MINK1: variants seen among roughly 807,000 people sequenced by gnomAD.
MINK1 encodes misshapen-like kinase 1.
Under a neutral mutation model 178.4 loss-of-function variants are expected in MINK1, and 46 were observed. The observed-to-expected ratio is 0.26, with a 90% CI of 0.20 to 0.33. The LOEUF (loss-of-function observed/expected upper bound fraction) is 0.33. Among genes scored for constraint, MINK1 ranks in the 10% least tolerant of loss-of-function variants. MINK1 has a pLI of 1.00. For missense variants in MINK1, 1,366 were observed against 1,814.9 expected (o/e 0.75, Z 4.49); for synonymous variants, 797 against 709.7 (o/e 1.12, Z -1.96).
At chr17:4,842,177 C>T (rs1910335947) in intron 1 of MINK1, among the ~76,000 whole-genome samples, 1 of 151,018 alleles carries the variant, frequency 6.6e-6, no homozygotes, top group African/African-American at 2.4e-5. Flanking sequence ...TGAGCCTAGA[C>T]CACGCCACTG....
intron 4 of MINK1, among the ~76,000 whole-genome samples, chr17:4,884,028 CTTTT>C (rs1057478222): frequency 3.0e-5 from 4 of 131,904 alleles, no homozygotes; most frequent in Admixed American, 7.6e-5. Context: ...TCCTTCTCCT[CTTTT>C]TTTTTTTTTT....
rs959444584 is a variant in MINK1 at position 4,879,400 on chromosome 17, C to A, written c.123+1018C>A. Among the ~76,000 whole-genome samples the A allele has an allele frequency of 2.0e-5, 3 of 152,208 alleles. No individual in the cohort carries two copies. The East Asian group carries it at 5.8e-4, about 29-fold the overall frequency. ...CTTCTACATCTCTAGCCCCGTGTTT[C>A]CTGTGTCGCTGAGACCACCTGCCTT... On this transcript the variant is annotated intron_variant, in intron 2 of 31. Coordinates refer to ENST00000355280, the MANE Select transcript of MINK1 (RefSeq NM_153827.5).
Position 4,893,610 on chromosome 17 carries a change from G to A in MINK1, c.2564+13G>A, listed in dbSNP as rs756735031. 1.5e-5 allele frequency: 23 copies of A among 1,519,266 alleles called. No individual in the cohort carries two copies. Among genetic ancestry groups the A allele is most frequent in the Non-Finnish European group, 1.9e-5 (21 of 1,132,092 alleles). 94.1% of individuals were successfully genotyped at this position (1,519,266 alleles called of 1,614,324 possible). A position where few individuals can be genotyped will look rare whatever the true frequency, so the allele number is the denominator to read the frequency against. On this transcript the variant is annotated intron_variant, in intron 21 of 31. Transcript: ENST00000355280. ...CCCCTGGGGGCCGGTACGGCATCGGGAGTGGGGCCCTCCCACTCCAAGGCA... is the reference window on the plus strand; with the variant it reads ...CCCCTGGGGGCCGGTACGGCATCGGAAGTGGGGCCCTCCCACTCCAAGGCA...
intron 1 of MINK1, among the ~76,000 whole-genome samples, chr17:4,841,178 C>T (rs920816908): frequency 1.3e-5 from 2 of 152,126 alleles, no homozygotes; most frequent in African/African-American, 4.8e-5. Flanking sequence ...ACACGTAGCA[C>T]CAAATGCTTT....
chr17:4,887,585 T>C lies in MINK1; in HGVS notation c.1025T>C (p.Ile342Thr). ...TTTGTGCCACCCCTGCCCAGCTCCA[T>C]CATGAACGTGCCTGGAGAGTCGACT... ...SHGEEGEPSS[I>T]MNVPGESTLR... is the part of the protein sequence containing the mutation. Residue 342 changes from isoleucine to threonine, a missense_variant, in exon 12 of 32, where the codon ATC (isoleucine) becomes ACC (threonine). Ile to Thr is a moderately conservative substitution (Grantham distance 89). Around this residue, in one of 14 missense-constraint regions of MINK1, gnomAD observed 56 missense variants for 64.0 expected, o/e 0.87. Coordinates refer to ENST00000355280, the MANE Select transcript of MINK1 (RefSeq NM_153827.5). This position sits in a 1 kb window ranked among gnomAD's most constrained non-coding sequence, Gnocchi z 7.6. 6.6e-7 allele frequency: 1 copy of C among 1,526,186 alleles called. No individual in the cohort carries two copies. Among genetic ancestry groups the C allele is most frequent in the Non-Finnish European group, 8.8e-7 (1 of 1,138,220 alleles). 94.5% of individuals were successfully genotyped at this position (1,526,186 alleles called of 1,614,324 possible). A position where few individuals can be genotyped will look rare whatever the true frequency, so the allele number is the denominator to read the frequency against.
chr17:4,872,132 C>G (rs1486459307), intron 1 of MINK1, among the ~76,000 whole-genome samples: 1 of 151,786 alleles, frequency 6.6e-6, no homozygotes, highest in African/African-American at 2.4e-5. Context: ...GAGTTTGACA[C>G]TGGCCTGGAC....
At chr17:4,892,278 G>A (rs1240971086) in intron 17 of MINK1, 44 bp downstream of exon 17, 3 of 1,527,852 alleles carry the variant, frequency 2.0e-6, no homozygotes, top group African/African-American at 1.4e-5. Flanking sequence ...TCTGAGGGCA[G>A]CCTAGGGAGT....
intron 2 of MINK1, among the ~76,000 whole-genome samples, chr17:4,879,027 A>T (rs1026131403): frequency 6.6e-6 from 1 of 151,558 alleles, no homozygotes; most frequent in Non-Finnish European, 1.5e-5. Context: ...TCACACTTGG[A>T]TTGTGGGAGC....
Position 4,886,091 on chromosome 17 carries a change from G to A in MINK1, c.695-29G>A. On this transcript the variant is annotated intron_variant, in intron 8 of 31. Coordinates refer to ENST00000355280, the MANE Select transcript of MINK1 (RefSeq NM_153827.5). This position sits in a 1 kb window ranked among gnomAD's most constrained non-coding sequence, Gnocchi z 6.1. ...TCCTGTAGCTCCCAGTGCAGTGAAAGGGACTGAGGGTGTCTCCTCTGTGTC... is the reference window on the plus strand; with the variant it reads ...TCCTGTAGCTCCCAGTGCAGTGAAAAGGACTGAGGGTGTCTCCTCTGTGTC... 3 of 1,613,050 alleles carry A rather than the reference G, an allele frequency of 1.9e-6. No homozygotes were observed. Among genetic ancestry groups the A allele is most frequent in the Non-Finnish European group, 2.5e-6 (3 of 1,179,080 alleles).
At chr17:4,866,205 C>T (rs1203072459) in intron 1 of MINK1, among the ~76,000 whole-genome samples, 2 of 152,222 alleles carry the variant, frequency 1.3e-5, no homozygotes, top group South Asian at 2.1e-4. Flanking sequence ...CGGTGGTTCA[C>T]GCCTGTAATC....
At chr17:4,866,765 G>GC (rs1915041705) in intron 1 of MINK1, among the ~76,000 whole-genome samples, 1 of 148,174 alleles carries the variant, frequency 6.7e-6, no homozygotes. Flanking sequence ...GAGCAACACT[G>GC]CATCTCAATT....
At position 4,892,093 on chromosome 17, in the gene MINK1, A is replaced by G. The variant is rs763895086; in HGVS notation, c.2002-56A>G. Reference sequence around the variant, plus strand: ...CACCTCTCAGAGGTGAGGCTTAAACATCTGAGAAGTGCCTGTCGCAGCGCC... The same window carrying G: ...CACCTCTCAGAGGTGAGGCTTAAACGTCTGAGAAGTGCCTGTCGCAGCGCC... On this transcript the variant is annotated intron_variant, in intron 16 of 31. Coordinates refer to ENST00000355280, the MANE Select transcript of MINK1 (RefSeq NM_153827.5). 5.4e-4 allele frequency: 772 copies of G among 1,420,252 alleles called. 2 individuals are homozygous for G. Among genetic ancestry groups the G allele is most frequent in the Non-Finnish European group, 6.8e-4 (700 of 1,029,478 alleles). 88.0% of individuals were successfully genotyped at this position (1,420,252 alleles called of 1,614,324 possible).
At position 4,897,341 on chromosome 17, in the gene MINK1, C is replaced by A; in HGVS notation, c.*54C>A. ...CTGGACCCAGCTCTCCCCCTGCAGC[C>A]AGGCTTCCCGGGCCGCCCCTCTTTC... On this transcript the variant is annotated 3_prime_UTR_variant, in exon 32 of 32. Transcript: ENST00000355280. The A allele has an allele frequency of 6.4e-7, 1 of 1,557,666 alleles. No homozygotes were observed. Among genetic ancestry groups the A allele is most frequent in the African/African-American group, 1.4e-5 (1 of 73,752 alleles).
chr17:4,889,657 G>A lies in MINK1; in HGVS notation c.1241G>A (p.Arg414Gln), dbSNP rs370383111. ...TGGCTCTCCCCACAGCAACAGCGGC[G>A]GGAGCGGGAGCAGCGGAAGCTGCAG... Reference protein sequence around the residue: ...ERRRVEEQQRREREQRKLQEK... With the variant: ...ERRRVEEQQRQEREQRKLQEK... Residue 414 changes from arginine (R) to glutamine (Q), a missense_variant, in exon 13 of 32, where the codon CGG becomes CAG. Transcript: ENST00000355280. 7 of 1,566,998 alleles carry A rather than the reference G, an allele frequency of 4.5e-6. No homozygotes were observed. The African/African-American group carries it at 5.4e-5, about 12-fold the overall frequency.
Position 4,886,432 on chromosome 17 carries a change from G to A in MINK1, c.774-19G>A, listed in dbSNP as rs1308144465. 2 of 1,590,436 alleles carry A rather than the reference G, an allele frequency of 1.3e-6. No individual in the cohort carries two copies. Among genetic ancestry groups the A allele is most frequent in the Non-Finnish European group, 8.6e-7 (1 of 1,167,426 alleles). On this transcript the variant is annotated intron_variant, in intron 9 of 31. Coordinates refer to ENST00000355280, the MANE Select transcript of MINK1 (RefSeq NM_153827.5). The surrounding 1 kb of genome is among the most constrained non-coding windows in gnomAD (Gnocchi z 6.1). The stretch of plus-strand genomic sequence containing the variant: ...CCTTCTGAGGGGACCCTCCCAGTGT[G>A]AGCCACCACTGTTTCCAGGTCTAAG...
intron 1 of MINK1, among the ~76,000 whole-genome samples, chr17:4,860,016 G>A (rs1450174772): frequency 6.8e-6 from 1 of 147,010 alleles, no homozygotes; most frequent in South Asian, 2.2e-4. Context: ...GGGAAGGGGC[G>A]CGTCCGGGAA....
Position 4,878,306 on chromosome 17 carries a change from C to T in MINK1, c.58-11C>T. The T allele has an allele frequency of 1.3e-6, 2 of 1,536,582 alleles. No individual in the cohort carries two copies. The highest frequency in any genetic ancestry group is 1.7e-6 in the Non-Finnish European group (2 of 1,146,336). On this transcript the variant is annotated splice_polypyrimidine_tract_variant and intron_variant, in intron 1 of 31. Transcript: ENST00000355280. Reference sequence around the variant, plus strand: ...GTCTTGACACAGTATTCTTCTGTCTCCTGCCCCTAGGACCCTGCTGGGATC... The same window carrying T: ...GTCTTGACACAGTATTCTTCTGTCTTCTGCCCCTAGGACCCTGCTGGGATC...
rs747190548 is a variant in MINK1 at position 4,891,480 on chromosome 17, C to G, written c.1765C>G (p.Leu589Val). The G allele has an allele frequency of 6.3e-7, 1 of 1,594,044 alleles. No homozygotes were observed. The highest frequency in any genetic ancestry group is 8.6e-7 in the Non-Finnish European group (1 of 1,166,396). ...GAGCCTGGTGGCACACCGGGTCCCA[C>G]TGAAGCCATATGCAGCACCTGTACC... ...HKSLVAHRVP[L>V]KPYAAPVPRS... The change falls in exon 16 of 32, where the codon CTG (leucine) becomes GTG (valine). Residue 589 changes from leucine to valine, a missense_variant. Physicochemically the swap from Leu to Val is conservative, Grantham distance 32 (BLOSUM62 1). Coordinates refer to ENST00000355280, the MANE Select transcript of MINK1 (RefSeq NM_153827.5).
chr17:4,850,018 C>T (rs562999930), intron 1 of MINK1, among the ~76,000 whole-genome samples: 12 of 152,308 alleles, frequency 7.9e-5, no homozygotes, highest in African/African-American at 2.9e-4. Context: ...GCAAGCGTGG[C>T]TCACTGCAGC....
Sources: allele counts gnomAD v4.1 joint callset (sites outside exome capture counted in the v4.1 genomes callset), GRCh38; gene constraint gnomAD v4.1.1; regional missense constraint gnomAD v4.1.1; non-coding constraint Gnocchi (gnomAD v3.1); transcripts MANE v1.5; gene names NCBI Gene and HGNC (gene_info 2026-07-23, HGNC 2026-07-21).